Variants in OPCML observed in about 807,000 individuals in gnomAD.
OPCML encodes the protein opioid-binding protein/cell adhesion molecule.
Under a neutral mutation model 37.8 loss-of-function variants are expected in OPCML, and 13 were observed. The ratio of observed to expected loss-of-function variants is 0.34; its 90% CI spans 0.22 to 0.55. OPCML has a LOEUF of 0.55. OPCML is among the 20% of genes least tolerant of loss of function. The probability of loss-of-function intolerance (pLI) is 0.91; values close to 1 mark genes in which losing one functional copy is unlikely to be tolerated. For missense variants in OPCML, 341 were observed against 435.6 expected (o/e 0.78, Z 1.93); for synonymous variants, 176 against 168.8 (o/e 1.04, Z -0.33).
At chr11:132,642,905 A>C (rs933687576) in intron 3 of OPCML, among the ~76,000 whole-genome samples, 2 of 152,168 alleles carry the variant, frequency 1.3e-5, no homozygotes, top group African/African-American at 4.8e-5. Flanking sequence ...TTTAGCCAAC[A>C]TTAGTATTGC....
At chr11:132,501,366 C>A (rs1032329212) in intron 4 of OPCML, among the ~76,000 whole-genome samples, 4 of 152,188 alleles carry the variant, frequency 2.6e-5, no homozygotes, top group South Asian at 2.1e-4. Flanking sequence ...GCAACAGAAG[C>A]CAAAATTGAC....
Position 132,418,533 on chromosome 11 carries a change from T to G in OPCML, c.*1660A>C, listed in dbSNP as rs2095946463. On this transcript the variant is annotated 3_prime_UTR_variant, in exon 8 of 8. Coordinates refer to ENST00000524381, the MANE Select transcript of OPCML (RefSeq NM_001012393.5). ...ACTTTCTCCCTTCTGTTTGCAGTGT[T>G]GTGTTAATCAAGTGCTTGAAAATTA... The G allele has an allele frequency of 6.6e-6, 1 of 152,660 alleles. No homozygotes were observed. The allele number at this position is 152,660 out of a possible 1,614,324, so 9.5% of individuals were successfully genotyped here.
At chr11:133,232,138 A>C in intron 1 of OPCML, among the ~76,000 whole-genome samples, 1 of 152,172 alleles carries the variant, frequency 6.6e-6, no homozygotes, top group East Asian at 1.9e-4. Context: ...AGAAGGCATG[A>C]CCCAGACAGA....
At chr11:133,012,318 G>T (rs886733026) in intron 1 of OPCML, among the ~76,000 whole-genome samples, 1 of 152,114 alleles carries the variant, frequency 6.6e-6, no homozygotes, top group South Asian at 2.1e-4. Context: ...GCTTATCCAA[G>T]GTCCTTAGCA....
At chr11:132,578,356 A>G (rs2096455409) in intron 3 of OPCML, among the ~76,000 whole-genome samples, 1 of 152,240 alleles carries the variant, frequency 6.6e-6, no homozygotes, top group Non-Finnish European at 1.5e-5. Flanking sequence ...AATGCCTGAA[A>G]GAAAACAATA....
At chr11:133,289,594 C>CAAAAAAA (rs1229577687) in intron 1 of OPCML, among the ~76,000 whole-genome samples, 1 of 52,302 alleles carries the variant, frequency 1.9e-5, no homozygotes, top group African/African-American at 7.5e-5. Context: ...GACTCCATCT[C>CAAAAAAA]AAAAAAAAAA....
intron 1 of OPCML, among the ~76,000 whole-genome samples, chr11:133,235,813 A>T (rs996177241): frequency 6.6e-6 from 1 of 152,198 alleles, no homozygotes; most frequent in African/African-American, 2.4e-5. Flanking sequence ...GTCAGGTATC[A>T]GATCTGGATT....
intron 1 of OPCML, among the ~76,000 whole-genome samples, chr11:133,139,652 G>A (rs549367482): frequency 2.9e-4 from 44 of 152,282 alleles, no homozygotes; most frequent in African/African-American, 1.0e-3. Context: ...TAGTGGGAGT[G>A]GCTGATGATT....
chr11:133,024,394 C>A, intron 1 of OPCML: 4 of 985,228 alleles, frequency 4.1e-6, no homozygotes, highest in Non-Finnish European at 4.8e-6. Context: ...GGATGGAGAC[C>A]TCTGGAGAGA....
chr11:132,744,530 A>G (rs1945548669), intron 2 of OPCML, among the ~76,000 whole-genome samples: 1 of 152,226 alleles, frequency 6.6e-6, no homozygotes, highest in Non-Finnish European at 1.5e-5. Flanking sequence ...AAGCATTGAT[A>G]CAGAGAGCCA....
intron 3 of OPCML, among the ~76,000 whole-genome samples, chr11:132,644,649 A>G (rs1941052691): frequency 6.6e-6 from 1 of 152,206 alleles, no homozygotes; most frequent in Non-Finnish European, 1.5e-5. Flanking sequence ...CCAGACACAC[A>G]CAGGCCTGAA....
chr11:133,282,578 G>T (rs888970071), intron 1 of OPCML, among the ~76,000 whole-genome samples: 1 of 152,182 alleles, frequency 6.6e-6, no homozygotes, highest in East Asian at 1.9e-4. Context: ...GAAATGGGGG[G>T]ATGAAGCCCC....
intron 1 of OPCML, among the ~76,000 whole-genome samples, chr11:133,394,478 G>A (rs1592261723): frequency 6.6e-6 from 1 of 152,060 alleles, no homozygotes; most frequent in African/African-American, 2.4e-5. Flanking sequence ...TCACCTTGTT[G>A]TACTGTCAAA....
chr11:133,491,913 C>A (rs557377693), intron 1 of OPCML, among the ~76,000 whole-genome samples: 1 of 152,198 alleles, frequency 6.6e-6, no homozygotes, highest in Non-Finnish European at 1.5e-5. Context: ...TTCTCACTCA[C>A]GAGGCCTTTC....
chr11:132,467,245 C>T (rs550150290), intron 4 of OPCML, among the ~76,000 whole-genome samples: 1 of 152,310 alleles, frequency 6.6e-6, no homozygotes, highest in East Asian at 1.9e-4. Context: ...TGCAGCCCTG[C>T]TCCTCTAGCC....
chr11:133,484,153 T>C (rs1947477059), intron 1 of OPCML, among the ~76,000 whole-genome samples: 1 of 147,974 alleles, frequency 6.8e-6, no homozygotes, highest in South Asian at 2.1e-4. Flanking sequence ...GATGGATAGA[T>C]AGATAGATAG....
At position 132,564,346 on chromosome 11, in the gene OPCML, G is replaced by A. The variant is rs533102906; in HGVS notation, c.380-35160C>T. Among the ~76,000 whole-genome samples, 227 of 152,316 alleles carry A rather than the reference G, an allele frequency of 1.5e-3. 5 individuals are homozygous for A. Among genetic ancestry groups the A allele is most frequent in the Middle Eastern group, 0.014 (4 of 294 alleles). ...TGGAGCCAGGCTGGGAGACCTAACC[G>A]CTTCCTTCCACAACAGCACACTTTA... On this transcript the variant is annotated intron_variant, in intron 3 of 7. Coordinates refer to ENST00000524381, the MANE Select transcript of OPCML (RefSeq NM_001012393.5).
intron 3 of OPCML, among the ~76,000 whole-genome samples, chr11:132,545,540 A>T (rs183363653): frequency 1.7e-3 from 257 of 152,302 alleles, no homozygotes; most frequent in African/African-American, 5.9e-3. Context: ...TCAAACACCA[A>T]TCTACTTTCA....
chr11:132,520,013 A>G (rs2096288870), intron 4 of OPCML, among the ~76,000 whole-genome samples: 1 of 152,208 alleles, frequency 6.6e-6, no homozygotes, highest in Non-Finnish European at 1.5e-5. Flanking sequence ...ACAGGGACCT[A>G]CAGCGGACAA....
Sources: allele counts gnomAD v4.1 joint callset (sites outside exome capture counted in the v4.1 genomes callset), GRCh38; gene constraint gnomAD v4.1.1; transcripts MANE v1.5; gene names NCBI Gene and HGNC (gene_info 2026-07-23, HGNC 2026-07-21).